Variants in GPHN observed in about 807,000 individuals in gnomAD.
GPHN encodes the protein gephyrin.
A neutral mutation model predicts 95.5 loss-of-function variants in GPHN; 17 were observed. That is an observed-to-expected ratio of 0.18 (90% CI 0.12 to 0.27). The LOEUF is 0.27. Ranked by LOEUF, GPHN falls within the 10% of genes least tolerant of loss-of-function variation. The pLI is 1.00. For synonymous variants in GPHN, 320 were observed against 322.5 expected (o/e 0.99, Z 0.08); for missense variants, 660 against 978.1 (o/e 0.67, Z 4.34).
the GPHN span, among the ~76,000 whole-genome samples, chr14:67,517,853 G>A: frequency 6.6e-6 from 1 of 152,226 alleles, no homozygotes; most frequent in Non-Finnish European, 1.5e-5. Flanking sequence ...GCAAAATGCA[G>A]TTCAAACTCA....
rs566166709 is a variant in GPHN at position 66,521,886 on chromosome 14, T to C, written c.64+13295T>C. 5.3e-5 allele frequency among the ~76,000 whole-genome samples: 8 copies of C among 152,242 alleles called. No homozygotes were observed. In the South Asian group the frequency reaches 1.7e-3, roughly 32 times the overall value. ...TTCTGTCACTAAAAGGGGAAAAGTG[T>C]GCTGAGCAAGCAGACAACTTTTTTT... On this transcript the variant is annotated intron_variant, in intron 1 of 22. Transcript: ENST00000478722.
intron 3 of GPHN, among the ~76,000 whole-genome samples, chr14:66,802,549 A>G (rs1405233800): frequency 6.6e-6 from 1 of 152,140 alleles, no homozygotes; most frequent in African/African-American, 2.4e-5. Context: ...CATAGCCACC[A>G]CAGGTGGGAA....
At chr14:67,648,454 A>T in the GPHN span, 1 of 272,974 alleles carries the variant, frequency 3.7e-6, no homozygotes, top group Non-Finnish European at 6.8e-6. Context: ...AAATTGTCAA[A>T]CTGATGCAGT....
chr14:67,297,580 A>G, the GPHN span, among the ~76,000 whole-genome samples: 1 of 152,218 alleles, frequency 6.6e-6, no homozygotes, highest in South Asian at 2.1e-4. Context: ...TATTACTTTG[A>G]TAACATTGTG....
intron 1 of GPHN, among the ~76,000 whole-genome samples, chr14:66,607,858 C>T (rs919409446): frequency 6.6e-6 from 1 of 151,824 alleles, no homozygotes; most frequent in Admixed American, 6.6e-5. Context: ...TTTGTCATTT[C>T]TGTTTGTGCT....
the GPHN span, among the ~76,000 whole-genome samples, chr14:67,348,108 CTT>C: frequency 6.6e-6 from 1 of 151,048 alleles, no homozygotes; most frequent in African/African-American, 2.4e-5. Flanking sequence ...GAGTTTCGCT[CTT>C]GTTGCCTGGG....
At chr14:66,669,654 G>A (rs1414369199) in intron 1 of GPHN, among the ~76,000 whole-genome samples, 1 of 151,882 alleles carries the variant, frequency 6.6e-6, no homozygotes, top group Admixed American at 6.6e-5. Flanking sequence ...GACTTCTAGT[G>A]TGTTATCTCC....
intron 1 of GPHN, among the ~76,000 whole-genome samples, chr14:66,625,540 T>A (rs1453030660): frequency 2.6e-5 from 4 of 152,188 alleles, no homozygotes; most frequent in Admixed American, 6.5e-5. Context: ...TTTGTCCTAC[T>A]TCTTGGTAGT....
At chr14:67,079,668 G>T (rs2076616581) in intron 11 of GPHN, among the ~76,000 whole-genome samples, 1 of 151,972 alleles carries the variant, frequency 6.6e-6, no homozygotes. Flanking sequence ...AAGTTCAGCA[G>T]TGTTAAGTAT....
chr14:67,556,270 C>A, the GPHN span, among the ~76,000 whole-genome samples: 1 of 152,108 alleles, frequency 6.6e-6, no homozygotes, highest in Admixed American at 6.5e-5. Context: ...GAATGCGCAG[C>A]CTTCTTGGTT....
the GPHN span, among the ~76,000 whole-genome samples, chr14:67,276,437 A>C: frequency 6.6e-6 from 1 of 152,162 alleles, no homozygotes; most frequent in African/African-American, 2.4e-5. Flanking sequence ...ATTTCAAAGA[A>C]ATGTATCCTT....
At chr14:67,306,995 G>A in the GPHN span, among the ~76,000 whole-genome samples, 3 of 152,266 alleles carry the variant, frequency 2.0e-5, no homozygotes, top group Non-Finnish European at 4.4e-5. Context: ...CAAAATAAGT[G>A]TTATCTGAAA....
chr14:67,225,308 T>A, the GPHN span: 2 of 1,325,760 alleles, frequency 1.5e-6, no homozygotes, highest in Non-Finnish European at 2.0e-6. Flanking sequence ...ACATGATAGC[T>A]ATGATACTGT....
At chr14:66,996,243 C>T (rs1194853010) in intron 9 of GPHN, 3 of 1,412,882 alleles carry the variant, frequency 2.1e-6, no homozygotes, top group Non-Finnish European at 2.9e-6. Context: ...TGTTTTCTTA[C>T]ATGGTCAATA....
chr14:66,713,561 A>G (rs1234481645), intron 2 of GPHN, among the ~76,000 whole-genome samples: 3 of 152,048 alleles, frequency 2.0e-5, no homozygotes, highest in Non-Finnish European at 4.4e-5. Context: ...CAAATCAGGT[A>G]GTGTGATGCC....
the GPHN span, among the ~76,000 whole-genome samples, chr14:67,388,496 C>A: frequency 6.6e-6 from 1 of 152,152 alleles, no homozygotes; most frequent in Non-Finnish European, 1.5e-5. Context: ...ATTTCACAGC[C>A]AGCAGCAGTA....
chr14:67,337,126 C>T, the GPHN span, among the ~76,000 whole-genome samples: 3 of 152,134 alleles, frequency 2.0e-5, no homozygotes, highest in Non-Finnish European at 4.4e-5. Context: ...GTAATATAAA[C>T]AAAATACTTA....
Position 66,781,259 on chromosome 14 carries a change from C to T in GPHN, c.201+4738C>T, listed in dbSNP as rs369773632. Among the ~76,000 whole-genome samples the T allele has an allele frequency of 4.4e-4, 66 of 151,388 alleles. No homozygotes were observed. In the Middle Eastern group the frequency reaches 0.01, roughly 23 times the overall value. On this transcript the variant is annotated intron_variant, in intron 3 of 22. Transcript: ENST00000478722. ...TTTTTGATACGGAGTCTCTGTCGCC[C>T]GGGCTTGAGTGCAGTGGCACGATCT...
chr14:66,700,833 G>A (rs1244664402), intron 2 of GPHN, among the ~76,000 whole-genome samples: 1 of 151,988 alleles, frequency 6.6e-6, no homozygotes, highest in African/African-American at 2.4e-5. Flanking sequence ...TGAGGCAGGA[G>A]AATCGCTTGA....
Sources: allele counts gnomAD v4.1 joint callset (sites outside exome capture counted in the v4.1 genomes callset), GRCh38; gene constraint gnomAD v4.1.1; transcripts MANE v1.5; gene names NCBI Gene and HGNC (gene_info 2026-07-23, HGNC 2026-07-21).